Variants in GRID2 observed in about 807,000 individuals in gnomAD.
The protein encoded by GRID2 is glutamate ionotropic receptor delta type subunit 2, also known as glutamate receptor ionotropic, delta-2.
In GRID2, 33 loss-of-function variants were observed where a neutral mutation model predicts 114.8. That is an observed-to-expected ratio of 0.29 (90% confidence interval 0.22 to 0.38). The LOEUF is 0.38. Among genes scored for constraint, GRID2 ranks in the 10% least tolerant of loss-of-function variants. GRID2 has a pLI of 1.00. For synonymous variants in GRID2, 505 were observed against 449.9 expected, an observed-to-expected ratio of 1.12 and a Z score of -1.55; for missense variants, 1,184 against 1,257.7, an observed-to-expected ratio of 0.94 and a Z score of 0.89.
intron 1 of GRID2, among the ~76,000 whole-genome samples, chr4:92,543,215 C>T (rs1726068426): frequency 6.6e-6 from 1 of 152,056 alleles, no homozygotes; most frequent in Non-Finnish European, 1.5e-5. Context: ...TATTTCTGCT[C>T]TTCTCAAAAC....
intron 2 of GRID2, among the ~76,000 whole-genome samples, chr4:92,664,914 G>C (rs761140787): frequency 4.8e-5 from 7 of 146,788 alleles, no homozygotes; most frequent in Non-Finnish European, 1.1e-4. Flanking sequence ...ACCTATTTCT[G>C]TCTTTGGATC....
chr4:92,949,254 A>G (rs1413725901), intron 2 of GRID2, among the ~76,000 whole-genome samples: 1 of 152,042 alleles, frequency 6.6e-6, no homozygotes, highest in African/African-American at 2.4e-5. Flanking sequence ...TGTTGAATTT[A>G]TAATTACTAA....
chr4:93,608,525 T>C (rs1254670871), intron 13 of GRID2, among the ~76,000 whole-genome samples: 5 of 146,440 alleles, frequency 3.4e-5, no homozygotes, highest in Non-Finnish European at 7.6e-5. Context: ...TGTGATCTCA[T>C]TGTTAAATTC....
In GRID2 at chr4:92,802,392, A is replaced by G. The variant is rs567308908; in HGVS notation, c.244+212106A>G. Among the ~76,000 whole-genome samples the G allele has an allele frequency of 2.0e-5, 3 of 152,076 alleles. No homozygotes were observed. In the East Asian group the frequency reaches 5.8e-4, roughly 30 times the overall value. Reference sequence around the variant, plus strand: ...AGGTATATAATGACATATATCCACCATTATAGTGTTATACGAAATTGTTTC... The same window carrying G: ...AGGTATATAATGACATATATCCACCGTTATAGTGTTATACGAAATTGTTTC... On this transcript the variant is annotated intron_variant, in intron 2 of 15. Transcript: ENST00000282020.
intron 1 of GRID2, among the ~76,000 whole-genome samples, chr4:92,349,534 T>C (rs1352113104): frequency 6.6e-6 from 1 of 151,686 alleles, no homozygotes; most frequent in African/African-American, 2.4e-5. Context: ...ATCAAGATTT[T>C]ACTTTTATTT....
intron 2 of GRID2, among the ~76,000 whole-genome samples, chr4:92,867,032 T>C (rs1744916990): frequency 6.6e-6 from 1 of 152,228 alleles, no homozygotes; most frequent in African/African-American, 2.4e-5. Context: ...CCTGTGGATC[T>C]TTTTGATGGC....
intron 2 of GRID2, among the ~76,000 whole-genome samples, chr4:92,985,457 T>G (rs1754458823): frequency 6.6e-6 from 1 of 152,094 alleles, no homozygotes; most frequent in Admixed American, 6.5e-5. Context: ...CAGGATGGTC[T>G]CGATCTCCTG....
At chr4:92,888,207 CTG>C (rs1361476358) in intron 2 of GRID2, among the ~76,000 whole-genome samples, 5 of 152,064 alleles carry the variant, frequency 3.3e-5, no homozygotes, top group African/African-American at 1.2e-4. Flanking sequence ...TTGTTTAAAA[CTG>C]TCATTTATTC....
At chr4:92,744,954 G>T (rs1181812536) in intron 2 of GRID2, among the ~76,000 whole-genome samples, 2 of 152,036 alleles carry the variant, frequency 1.3e-5, no homozygotes, top group Non-Finnish European at 2.9e-5. Flanking sequence ...CATCTTTGGG[G>T]GTGAAATTTA....
At chr4:92,378,971 ATAATT>A (rs1729486199) in intron 1 of GRID2, among the ~76,000 whole-genome samples, 1 of 151,896 alleles carries the variant, frequency 6.6e-6, no homozygotes, top group Non-Finnish European at 1.5e-5. Flanking sequence ...TTATTTACAC[ATAATT>A]TAATAATTAA....
intron 11 of GRID2, among the ~76,000 whole-genome samples, chr4:93,487,865 A>T (rs1380090842): frequency 1.3e-5 from 2 of 151,922 alleles, no homozygotes; most frequent in African/African-American, 4.8e-5. Flanking sequence ...GGCTTCATCC[A>T]CCAACCATTA....
chr4:93,544,103 T>G (rs1208424035), intron 13 of GRID2, among the ~76,000 whole-genome samples: 1 of 152,164 alleles, frequency 6.6e-6, no homozygotes, highest in Non-Finnish European at 1.5e-5. Context: ...AAATTGGATA[T>G]AGATTGCCTT....
chr4:92,968,877 A>G (rs1204042895), intron 2 of GRID2, among the ~76,000 whole-genome samples: 1 of 151,862 alleles, frequency 6.6e-6, no homozygotes, highest in Non-Finnish European at 1.5e-5. Context: ...AAAAACATGT[A>G]TTTCTATACA....
At chr4:93,453,821 A>C (rs2149409028) in intron 10 of GRID2, among the ~76,000 whole-genome samples, 1 of 152,264 alleles carries the variant, frequency 6.6e-6, no homozygotes, top group Non-Finnish European at 1.5e-5. Context: ...TTAGTAAATT[A>C]CTGATCCATA....
At chr4:92,771,067 G>T (rs1432386906) in intron 2 of GRID2, among the ~76,000 whole-genome samples, 1 of 150,674 alleles carries the variant, frequency 6.6e-6, no homozygotes, top group South Asian at 2.1e-4. Context: ...TACCTAAGGT[G>T]TGTTAAGTAT....
At chr4:93,470,034 A>C (rs894252670) in intron 11 of GRID2, among the ~76,000 whole-genome samples, 1 of 152,118 alleles carries the variant, frequency 6.6e-6, no homozygotes, top group Non-Finnish European at 1.5e-5. Context: ...GCTTGTATTG[A>C]CCCAAGTGAC....
chr4:93,505,665 G>T (rs1313306861), intron 12 of GRID2, among the ~76,000 whole-genome samples: 1 of 148,222 alleles, frequency 6.7e-6, no homozygotes, highest in Non-Finnish European at 1.5e-5. Context: ...GCCTTTCATG[G>T]TATATACATG....
At chr4:92,544,168 G>GTAAT (rs1353651461) in intron 1 of GRID2, among the ~76,000 whole-genome samples, 1 of 152,092 alleles carries the variant, frequency 6.6e-6, no homozygotes, top group African/African-American at 2.4e-5. Flanking sequence ...ATGTTGCCCT[G>GTAAT]TAATTATCTG....
intron 1 of GRID2, among the ~76,000 whole-genome samples, chr4:92,517,193 T>A (rs753094183): frequency 7.0e-6 from 1 of 143,066 alleles, no homozygotes; most frequent in Non-Finnish European, 1.6e-5. Flanking sequence ...ATAAGATCGT[T>A]CAGCAAGACG....
Sources: allele counts gnomAD v4.1 joint callset (sites outside exome capture counted in the v4.1 genomes callset), GRCh38; gene constraint gnomAD v4.1.1; transcripts MANE v1.5; gene names NCBI Gene and HGNC (gene_info 2026-07-23, HGNC 2026-07-21).